The following RALGAPA2 variants were observed in gnomAD, a reference collection of about 807,000 sequenced individuals.
RALGAPA2 encodes ral GTPase-activating protein subunit alpha-2.
In RALGAPA2, 139 loss-of-function variants were observed where a neutral mutation model predicts 230.4. The observed-to-expected ratio is 0.60, with a 90% CI of 0.53 to 0.69. RALGAPA2 has a LOEUF of 0.69. Ranked by LOEUF, RALGAPA2 falls within the 30% of genes least tolerant of loss-of-function variation. The probability of loss-of-function intolerance (pLI) is 0.00; values close to 1 mark genes in which losing one functional copy is unlikely to be tolerated. For synonymous variants in RALGAPA2, 847 were observed against 837.8 expected, an observed-to-expected ratio of 1.01 and a Z score of -0.19; for missense variants, 2,163 against 2,276.0, an observed-to-expected ratio of 0.95 and a Z score of 1.01.
At chr20:20,495,719 C>T (rs2062186863) in intron 35 of RALGAPA2, among the ~76,000 whole-genome samples, 2 of 152,114 alleles carry the variant, frequency 1.3e-5, no homozygotes, top group South Asian at 4.1e-4. Flanking sequence ...AGAACATAAG[C>T]CACTACAACA....
chr20:20,448,685 C>A (rs1431346570), intron 37 of RALGAPA2, among the ~76,000 whole-genome samples: 1 of 152,084 alleles, frequency 6.6e-6, no homozygotes, highest in Non-Finnish European at 1.5e-5. Flanking sequence ...GACATTCAAG[C>A]ATTTCTACAA....
intron 39 of RALGAPA2, 103 bp from the exon 40 acceptor site, chr20:20,393,356 C>T: frequency 1.0e-6 from 1 of 971,588 alleles, no homozygotes. Context: ...GGGAAACTCC[C>T]AGGAGAAGGG....
chr20:20,584,751 A>G, intron 19 of RALGAPA2, 114 bp downstream of exon 19: 1 of 826,442 alleles, frequency 1.2e-6, no homozygotes, highest in South Asian at 2.1e-5. Context: ...AGAGCACTCC[A>G]GCCTGGGCGA....
intron 16 of RALGAPA2, among the ~76,000 whole-genome samples, chr20:20,597,590 C>G (rs2065496820): frequency 6.6e-6 from 1 of 152,128 alleles, no homozygotes; most frequent in African/African-American, 2.4e-5. Context: ...AAAAAAAATA[C>G]TAATCTTTGG....
At chr20:20,599,676 A>C (rs1418508339) in intron 16 of RALGAPA2, among the ~76,000 whole-genome samples, 1 of 152,164 alleles carries the variant, frequency 6.6e-6, no homozygotes, top group Non-Finnish European at 1.5e-5. Flanking sequence ...CCTTTCTCCT[A>C]CCCTTTGCCT....
chr20:20,514,968 C>T (rs899291079), intron 31 of RALGAPA2, among the ~76,000 whole-genome samples: 24 of 152,238 alleles, frequency 1.6e-4, no homozygotes, highest in African/African-American at 3.4e-4. Flanking sequence ...GGCACCTGAT[C>T]GCTGCCCACT....
intron 27 of RALGAPA2, among the ~76,000 whole-genome samples, chr20:20,528,274 T>A (rs561351026): frequency 6.6e-6 from 1 of 152,100 alleles, no homozygotes; most frequent in South Asian, 2.1e-4. Context: ...ACCAACAGAG[T>A]GCCATGCTGA....
At chr20:20,415,862 G>A (rs2060154155) in intron 37 of RALGAPA2, among the ~76,000 whole-genome samples, 2 of 152,214 alleles carry the variant, frequency 1.3e-5, no homozygotes, top group Admixed American at 1.3e-4. Context: ...CTGCAGAGCT[G>A]TAAGAATCTG....
chr20:20,581,787 T>C (rs544647943), intron 20 of RALGAPA2, among the ~76,000 whole-genome samples: 3 of 152,278 alleles, frequency 2.0e-5, no homozygotes, highest in African/African-American at 7.2e-5. Context: ...TCAGAGACGT[T>C]AGTTAAATTT....
chr20:20,393,158 G>A lies in RALGAPA2; in HGVS notation c.*131C>T. The A allele has an allele frequency of 5.1e-6, 7 of 1,360,798 alleles. 1 individual carries two copies. The Middle Eastern group carries it at 8.4e-4, about 163-fold the overall frequency. 84.3% of individuals were successfully genotyped at this position (1,360,798 alleles called of 1,614,324 possible). A position where few individuals can be genotyped will look rare whatever the true frequency, so the allele number is the denominator to read the frequency against. On this transcript the variant is annotated 3_prime_UTR_variant, in exon 40 of 40. Coordinates refer to ENST00000202677, the MANE Select transcript of RALGAPA2 (RefSeq NM_020343.4). ...CAACGAAATTTCCTGGAGATTCTGG[G>A]TTTAGTGGCTCGGGGCAGAGGCAGG...
At chr20:20,559,213 CA>C (rs958850053) in intron 23 of RALGAPA2, among the ~76,000 whole-genome samples, 2 of 152,004 alleles carry the variant, frequency 1.3e-5, no homozygotes, top group Non-Finnish European at 2.9e-5. Flanking sequence ...TTGTGTTCTG[CA>C]AAAAAACAGA....
intron 38 of RALGAPA2, among the ~76,000 whole-genome samples, chr20:20,400,782 G>A (rs1432532607): frequency 1.3e-5 from 2 of 152,156 alleles, no homozygotes; most frequent in Non-Finnish European, 1.5e-5. Flanking sequence ...GAAACAGCCC[G>A]AATGTCCATC....
intron 14 of RALGAPA2, among the ~76,000 whole-genome samples, chr20:20,606,202 G>A (rs750730436): frequency 2.0e-5 from 3 of 151,870 alleles, no homozygotes; most frequent in African/African-American, 4.8e-5. Flanking sequence ...TTCCACACCC[G>A]CTCCATCTCC....
chr20:20,407,263 T>C (rs2059965973), intron 38 of RALGAPA2, among the ~76,000 whole-genome samples: 1 of 152,208 alleles, frequency 6.6e-6, no homozygotes, highest in Non-Finnish European at 1.5e-5. Flanking sequence ...GAAGCACTAT[T>C]AATTAAAACC....
At chr20:20,508,174 A>C (rs1310156172) in intron 33 of RALGAPA2, among the ~76,000 whole-genome samples, 1 of 152,220 alleles carries the variant, frequency 6.6e-6, no homozygotes, top group Non-Finnish European at 1.5e-5. Flanking sequence ...CATTCATCAA[A>C]TTTCACATTC....
intron 37 of RALGAPA2, among the ~76,000 whole-genome samples, chr20:20,469,587 G>A (rs561412651): frequency 3.3e-5 from 5 of 152,298 alleles, no homozygotes; most frequent in Middle Eastern, 3.4e-3. Flanking sequence ...TGAAGTGGAC[G>A]TTTATTTTAA....
rs774673436 is a variant in RALGAPA2 at position 20,526,328 on chromosome 20, T to C, written c.3617A>G (p.Asp1206Gly). ...GTAGGAAACCAGCAACTGAAGGACA[T>C]CGCAAGCTACCTGGGCCACGATTTT... Reference protein sequence around the residue: ...PNKIVAQVACDVLQLLVSYWE... With the variant: ...PNKIVAQVACGVLQLLVSYWE... Residue 1206 changes from aspartate (D) to glycine (G), a missense_variant, in exon 28 of 40, where the codon GAT (aspartate) becomes GGT (glycine). Transcript: ENST00000202677. 8.1e-6 allele frequency: 13 copies of C among 1,607,292 alleles called. No individual in the cohort carries two copies. The South Asian group carries it at 1.5e-4, about 18-fold the overall frequency.
At chr20:20,675,147 C>T (rs546819716) in intron 3 of RALGAPA2, among the ~76,000 whole-genome samples, 14 of 152,218 alleles carry the variant, frequency 9.2e-5, no homozygotes, top group South Asian at 2.1e-4. Flanking sequence ...ATTCAAAGGA[C>T]GGTAAACACA....
Position 20,437,873 on chromosome 20 carries a change from C to G in RALGAPA2, c.5496-25725G>C, listed in dbSNP as rs2060649112. 6.6e-6 allele frequency among the ~76,000 whole-genome samples: 1 copy of G among 152,170 alleles called. No individual in the cohort carries two copies. Among genetic ancestry groups the G allele is most frequent in the African/African-American group, 2.4e-5 (1 of 41,446 alleles). On this transcript the variant is annotated intron_variant, in intron 37 of 39. Transcript: ENST00000202677. This position sits in a 1 kb window ranked among gnomAD's most constrained non-coding sequence, Gnocchi z 4.1. ...GCAGGAACTGTGGTATATCTAGCAC[C>G]CAGAGAACAGGCCCCATACCTACAG...
Sources: gnomAD v4.1 joint callset for allele counts (sites outside exome capture counted in the v4.1 genomes callset) on GRCh38, gnomAD v4.1.1 for gene constraint, Gnocchi (gnomAD v3.1) non-coding constraint, MANE v1.5 for transcripts, NCBI Gene and HGNC (gene_info 2026-07-23, HGNC 2026-07-21) for gene names.